The following ACKR2 variants were observed in gnomAD, a reference collection of about 807,000 sequenced individuals.
ACKR2 encodes atypical chemokine receptor 2.
For missense variants in ACKR2, 457 were observed against 477.3 expected, an observed-to-expected ratio of 0.96 and a Z score of 0.40; for synonymous variants, 207 against 192.2, an observed-to-expected ratio of 1.08 and a Z score of -0.64.
At chr3:42,811,956 C>T (rs1476764897) in intron 1 of ACKR2, among the ~76,000 whole-genome samples, 1 of 152,202 alleles carries the variant, frequency 6.6e-6, no homozygotes, top group African/African-American at 2.4e-5. Context: ...TCCCCATTAT[C>T]ACCCTGTTCT....
intron 2 of ACKR2, among the ~76,000 whole-genome samples, chr3:42,857,111 G>A (rs575647463): frequency 5.3e-5 from 8 of 152,132 alleles, no homozygotes; most frequent in African/African-American, 4.8e-5. Context: ...GGCACCTGCC[G>A]TCTTGAATTT....
chr3:42,823,240 C>T (rs150998029), intron 2 of ACKR2, among the ~76,000 whole-genome samples: 3 of 152,244 alleles, frequency 2.0e-5, no homozygotes, highest in South Asian at 2.1e-4. Context: ...GTGACTTTTG[C>T]GTTTGAGTTT....
chr3:42,830,283 A>T (rs1048898116), intron 2 of ACKR2, among the ~76,000 whole-genome samples: 2 of 151,578 alleles, frequency 1.3e-5, no homozygotes, highest in Admixed American at 6.6e-5. Context: ...TATTTATTTA[A>T]TTTTTTTTTA....
intron 2 of ACKR2, chr3:42,834,461 A>C (rs1277100440): frequency 3.9e-5 from 6 of 152,076 alleles, no homozygotes; most frequent in Admixed American, 3.9e-4. Context: ...TGCATCCTTG[A>C]CATCCTGGGC....
At chr3:42,859,321 T>C (rs2088356373) in intron 2 of ACKR2, among the ~76,000 whole-genome samples, 1 of 151,824 alleles carries the variant, frequency 6.6e-6, no homozygotes, top group Admixed American at 6.6e-5. Context: ...GACTAACAGC[T>C]GATCTCTCTG....
At chr3:42,846,628 GA>G (rs1198987167) in intron 2 of ACKR2, among the ~76,000 whole-genome samples, 2 of 152,328 alleles carry the variant, frequency 1.3e-5, no homozygotes, top group East Asian at 3.9e-4. Flanking sequence ...CTGTTGGTTG[GA>G]TAAGCTTGCT....
chr3:42,860,173 A>AG (rs2088368233), intron 2 of ACKR2, among the ~76,000 whole-genome samples: 3 of 138,482 alleles, frequency 2.2e-5, no homozygotes, highest in African/African-American at 2.6e-5. Flanking sequence ...GCAAAAAAAA[A>AG]AAAAAAAAAA....
intron 2 of ACKR2, among the ~76,000 whole-genome samples, chr3:42,861,914 T>C (rs1333339875): frequency 1.3e-5 from 2 of 152,176 alleles, no homozygotes; most frequent in East Asian, 1.9e-4. Flanking sequence ...TCATACTGAA[T>C]GGGCAGAATC....
intron 2 of ACKR2, among the ~76,000 whole-genome samples, chr3:42,840,258 TC>T (rs1446090909): frequency 3.6e-5 from 1 of 27,824 alleles, no homozygotes; most frequent in African/African-American, 1.2e-4. Context: ...AGACTCCGTC[TC>T]AAAAAAAAAA....
At chr3:42,854,400 C>T (rs2125620911) in intron 2 of ACKR2, among the ~76,000 whole-genome samples, 1 of 152,304 alleles carries the variant, frequency 6.6e-6, no homozygotes, top group Non-Finnish European at 1.5e-5. Flanking sequence ...TGGCTTTGAA[C>T]CTTCCTGCCA....
At chr3:42,814,454 C>A (rs1700729481) in intron 1 of ACKR2, among the ~76,000 whole-genome samples, 1 of 152,212 alleles carries the variant, frequency 6.6e-6, no homozygotes, top group South Asian at 2.1e-4. Context: ...GCTGTCTACA[C>A]ATGATCGTAT....
At chr3:42,860,824 G>C (rs1188547840) in intron 2 of ACKR2, among the ~76,000 whole-genome samples, 2 of 152,126 alleles carry the variant, frequency 1.3e-5, no homozygotes, top group African/African-American at 4.8e-5. Context: ...TGAGAACAAA[G>C]ACACAATGTA....
chr3:42,840,086 G>A (rs529811786), intron 2 of ACKR2, among the ~76,000 whole-genome samples: 4 of 151,802 alleles, frequency 2.6e-5, no homozygotes, highest in Admixed American at 1.3e-4. Flanking sequence ...GTGAAACCTC[G>A]TCTCTACTAA....
intron 2 of ACKR2, 74 bp from the exon 3 acceptor site, chr3:42,864,392 T>A (rs1236487164): frequency 1.5e-6 from 2 of 1,376,136 alleles, no homozygotes; most frequent in Non-Finnish European, 1.9e-6. Flanking sequence ...CTATTGGACA[T>A]CCCAGGGCAG....
At chr3:42,851,282 T>A (rs188730092) in intron 2 of ACKR2, 1 of 883,232 alleles carries the variant, frequency 1.1e-6, no homozygotes, top group East Asian at 1.2e-4. Context: ...GCAAAGGGAT[T>A]TTTTTTATTC....
At chr3:42,814,623 G>A (rs1408728830) in intron 1 of ACKR2, among the ~76,000 whole-genome samples, 1 of 152,114 alleles carries the variant, frequency 6.6e-6, no homozygotes, top group African/African-American at 2.4e-5. Flanking sequence ...GAGAAAATTG[G>A]TAATAATTAC....
At chr3:42,843,467 G>C (rs539922881) in intron 2 of ACKR2, among the ~76,000 whole-genome samples, 1 of 151,888 alleles carries the variant, frequency 6.6e-6, no homozygotes, top group East Asian at 1.9e-4. Flanking sequence ...TTTTTTTTCA[G>C]GTGTGTGTAT....
intron 1 of ACKR2, among the ~76,000 whole-genome samples, chr3:42,811,900 T>C (rs773923364): frequency 7.9e-5 from 12 of 152,202 alleles, no homozygotes; most frequent in African/African-American, 2.2e-4. Flanking sequence ...CTTAAACTTA[T>C]TTGTGACACA....
intron 2 of ACKR2, among the ~76,000 whole-genome samples, chr3:42,840,342 A>G (rs1701025436): frequency 6.6e-6 from 1 of 151,752 alleles, no homozygotes; most frequent in African/African-American, 2.4e-5. Flanking sequence ...GTCCTGCTAC[A>G]GAGAGCTGGG....
Sources: allele counts gnomAD v4.1 joint callset (sites outside exome capture counted in the v4.1 genomes callset), GRCh38; gene constraint gnomAD v4.1.1; transcripts MANE v1.5; gene names NCBI Gene and HGNC (gene_info 2026-07-23, HGNC 2026-07-21).